Variants in PCDH9 observed in about 807,000 individuals in gnomAD.
The protein encoded by PCDH9 is protocadherin-9.
A neutral mutation model predicts 70.6 loss-of-function variants in PCDH9; 24 were observed. The ratio of observed to expected loss-of-function variants is 0.34; its 90% CI spans 0.25 to 0.48. PCDH9 has a LOEUF of 0.48. PCDH9 is among the 20% of genes least tolerant of loss of function. PCDH9 has a pLI of 0.99. For missense variants in PCDH9, 1,281 were observed against 1,503.6 expected, an observed-to-expected ratio of 0.85 and a Z score of 2.45; for synonymous variants, 562 against 558.5, an observed-to-expected ratio of 1.01 and a Z score of -0.09.
intron 3 of PCDH9, among the ~76,000 whole-genome samples, chr13:66,700,340 C>A (rs925754525): frequency 5.3e-5 from 8 of 152,140 alleles, no homozygotes; most frequent in Non-Finnish European, 1.2e-4. Flanking sequence ...CAGAAAAAAA[C>A]CAGTGTCATT....
intron 3 of PCDH9, among the ~76,000 whole-genome samples, chr13:66,686,999 A>G (rs2078413032): frequency 6.6e-6 from 1 of 152,182 alleles, no homozygotes; most frequent in Non-Finnish European, 1.5e-5. Flanking sequence ...TGCCCCCCAA[A>G]AGACATTTCG....
chr13:67,025,066 G>A (rs2084753106), intron 2 of PCDH9, among the ~76,000 whole-genome samples: 1 of 152,028 alleles, frequency 6.6e-6, no homozygotes, highest in African/African-American at 2.4e-5. Context: ...TGAAGTATAT[G>A]TTATTATTTA....
chr13:66,767,534 C>T (rs1156784753), intron 3 of PCDH9, among the ~76,000 whole-genome samples: 1 of 152,028 alleles, frequency 6.6e-6, no homozygotes, highest in Non-Finnish European at 1.5e-5. Flanking sequence ...AAAATTGATA[C>T]ACACCTTAAT....
At chr13:67,214,935 G>GATATATAGATATATATATATAT (rs2089556929) in intron 2 of PCDH9, 1 of 89,248 alleles carries the variant, frequency 1.1e-5, no homozygotes. Flanking sequence ...TTGCGAGCCA[G>GATATATAGATATATATATATAT]ATATATATAT....
intron 3 of PCDH9, among the ~76,000 whole-genome samples, chr13:66,889,421 G>A (rs549606075): frequency 2.0e-5 from 3 of 152,254 alleles, no homozygotes; most frequent in Admixed American, 6.5e-5. Context: ...TCAAGGTCAC[G>A]AGCAAGCTTC....
chr13:66,675,916 T>C (rs1404174326), intron 3 of PCDH9, among the ~76,000 whole-genome samples: 2 of 152,146 alleles, frequency 1.3e-5, no homozygotes, highest in African/African-American at 4.8e-5. Flanking sequence ...TTTCCCATAA[T>C]TATTGTCTCT....
chr13:66,691,822 T>G (rs571752325), intron 3 of PCDH9, among the ~76,000 whole-genome samples: 1 of 152,342 alleles, frequency 6.6e-6, no homozygotes, highest in African/African-American at 2.4e-5. Context: ...TTTCATATTA[T>G]AGTCGTAATA....
chr13:66,831,004 C>A (rs529891768), intron 3 of PCDH9, among the ~76,000 whole-genome samples: 10 of 152,138 alleles, frequency 6.6e-5, no homozygotes, highest in Non-Finnish European at 2.9e-5. Context: ...TTAAAAATAT[C>A]CCTTAGGGTA....
chr13:67,064,891 AATAGATAG>A (rs71110626), intron 2 of PCDH9, among the ~76,000 whole-genome samples: 5,914 of 148,900 alleles, frequency 0.04, 126 homozygotes, highest in South Asian at 0.078. Context: ...CCTGTGTGGA[AATAGATAG>A]ATAGATAGAT....
At chr13:66,773,399 C>A (rs572387910) in intron 3 of PCDH9, among the ~76,000 whole-genome samples, 1 of 151,858 alleles carries the variant, frequency 6.6e-6, no homozygotes, top group African/African-American at 2.4e-5. Context: ...GAGGCCGGGG[C>A]GGGTGGATCG....
chr13:66,536,897 T>C (rs765165357), intron 4 of PCDH9, among the ~76,000 whole-genome samples: 2 of 152,102 alleles, frequency 1.3e-5, no homozygotes, highest in African/African-American at 2.4e-5. Context: ...AGTTGCAGAA[T>C]TGCATTCAAC....
intron 4 of PCDH9, among the ~76,000 whole-genome samples, chr13:66,533,369 T>C (rs192253852): frequency 1.4e-5 from 2 of 148,130 alleles, no homozygotes; most frequent in Non-Finnish European, 3.0e-5. Flanking sequence ...CCCCTTTCTA[T>C]ATCTCATGGT....
chr13:67,097,490 A>C (rs909112739), intron 2 of PCDH9, among the ~76,000 whole-genome samples: 9 of 152,148 alleles, frequency 5.9e-5, no homozygotes, highest in Admixed American at 5.9e-4. Context: ...ACTAGGAAAA[A>C]AAATACTTTA....
intron 3 of PCDH9, among the ~76,000 whole-genome samples, chr13:66,779,895 G>GTT (rs1555268257): frequency 1.8e-4 from 27 of 147,270 alleles, no homozygotes; most frequent in African/African-American, 6.7e-4. Flanking sequence ...GTGTGTGTGT[G>GTT]TGTGTGTCCG....
chr13:66,933,573 T>C (rs2082852336), intron 2 of PCDH9, among the ~76,000 whole-genome samples: 1 of 152,174 alleles, frequency 6.6e-6, no homozygotes, highest in Non-Finnish European at 1.5e-5. Flanking sequence ...AATGTCCTAG[T>C]TGGTTCATAG....
intron 4 of PCDH9, among the ~76,000 whole-genome samples, chr13:66,430,147 C>T (rs1957745880): frequency 6.6e-6 from 1 of 152,026 alleles, no homozygotes; most frequent in Non-Finnish European, 1.5e-5. Flanking sequence ...ACATTCAGAG[C>T]AATAAAGCTA....
chr13:66,353,438 A>C (rs1451214399), intron 4 of PCDH9, among the ~76,000 whole-genome samples: 1 of 152,168 alleles, frequency 6.6e-6, no homozygotes, highest in Non-Finnish European at 1.5e-5. Context: ...GATGTTAAAA[A>C]TAAAACAGGA....
At chr13:66,689,322 A>G (rs1357617299) in intron 3 of PCDH9, among the ~76,000 whole-genome samples, 2 of 152,132 alleles carry the variant, frequency 1.3e-5, no homozygotes, top group Admixed American at 1.3e-4. Flanking sequence ...TTTAATGTGG[A>G]ATCACTGCTG....
chr13:66,409,719 A>G (rs1957339752), intron 4 of PCDH9, among the ~76,000 whole-genome samples: 1 of 152,206 alleles, frequency 6.6e-6, no homozygotes, highest in Admixed American at 6.5e-5. Context: ...TATATTCAAG[A>G]TCACCTCATT....
Sources: gnomAD v4.1 joint callset for allele counts (sites outside exome capture counted in the v4.1 genomes callset) on GRCh38, gnomAD v4.1.1 for gene constraint, MANE v1.5 for transcripts, NCBI Gene and HGNC (gene_info 2026-07-23, HGNC 2026-07-21) for gene names.